The following MGAM variants were observed in gnomAD, a reference collection of about 807,000 sequenced individuals.
MGAM encodes alpha-1,4-glucosidase.
Under a neutral mutation model 358.8 loss-of-function variants are expected in MGAM, and 253 were observed. The ratio of observed to expected loss-of-function variants is 0.71; its 90% CI spans 0.64 to 0.78. The LOEUF is 0.78. Ranked by LOEUF, MGAM falls within the 30% of genes least tolerant of loss-of-function variation. The pLI is 0.00. For synonymous variants in MGAM, 1,105 were observed against 1,227.1 expected (o/e 0.90, Z 2.08); for missense variants, 3,080 against 3,432.6 (o/e 0.90, Z 2.57).
intron 16 of MGAM, among the ~76,000 whole-genome samples, chr7:142,035,580 T>C (rs1007989141): frequency 6.6e-6 from 1 of 151,842 alleles, no homozygotes; most frequent in African/African-American, 2.4e-5. Flanking sequence ...ATCTGACTAA[T>C]CAGGGGGGAA....
intron 21 of MGAM, among the ~76,000 whole-genome samples, chr7:142,044,265 T>G (rs928786242): frequency 2.6e-5 from 3 of 113,336 alleles, no homozygotes; most frequent in African/African-American, 8.0e-5. Flanking sequence ...ACATATAATA[T>G]ATACATTATA....
chr7:142,057,007 T>A (rs1811618962), intron 30 of MGAM, 65 bp downstream of exon 30: 2 of 1,452,740 alleles, frequency 1.4e-6, no homozygotes, highest in African/African-American at 1.4e-5. Context: ...AGAGTCCACA[T>A]TGATTAGTAT....
chr7:142,041,863 A>C (rs548581191), intron 21 of MGAM, among the ~76,000 whole-genome samples: 1 of 112,344 alleles, frequency 8.9e-6, no homozygotes, highest in South Asian at 2.4e-4. Flanking sequence ...TGGTCATTTT[A>C]TATATATATT....
Position 142,088,468 on chromosome 7 carries a change from T to TGTA in MGAM, c.6810+1751_6810+1752insGTA, listed in dbSNP as rs371380239. On this transcript the variant is annotated intron_variant, in intron 57 of 70. Coordinates refer to ENST00000475668, the MANE Select transcript of MGAM (RefSeq NM_001365693.1). ...ATGTATGTATGTATGTATGTACGTATCTATCTATCTACCTATCTCAGTCTA... is the reference window on the plus strand; with the variant it reads ...ATGTATGTATGTATGTATGTACGTATGTACTATCTATCTACCTATCTCAGTCTA... 4.5e-3 allele frequency among the ~76,000 whole-genome samples: 650 copies of TGTA among 144,988 alleles called. 17 individuals carry two copies. Among genetic ancestry groups the TGTA allele is most frequent in the African/African-American group, 0.014 (566 of 40,888 alleles).
chr7:142,050,124 G>A (rs1810796279), intron 22 of MGAM, 111 bp from the exon 23 acceptor site: 4 of 978,768 alleles, frequency 4.1e-6, no homozygotes, highest in Admixed American at 2.0e-5. Flanking sequence ...ATAAGGAAAA[G>A]GAAAACTGCT....
At chr7:142,027,575 T>A (rs1554461411) in intron 9 of MGAM, 35 bp from the exon 10 acceptor site, 1 of 1,610,140 alleles carries the variant, frequency 6.2e-7, no homozygotes, top group Non-Finnish European at 8.5e-7. Flanking sequence ...AAAAACAGAG[T>A]ATTTGCTAAT....
chr7:142,076,329 G>T lies in MGAM; in HGVS notation c.5325+77G>T. ...AGCACATCTGTGCTTGTGTATATGT[G>T]TGATTATATTTGTAACTTTATATGC... is the stretch of plus-strand genomic sequence containing the variant. On this transcript the variant is annotated intron_variant, in intron 46 of 70. Transcript: ENST00000475668. 5 of 1,280,768 alleles carry T rather than the reference G, an allele frequency of 3.9e-6. No individual in the cohort carries two copies. The Middle Eastern group carries it at 5.6e-4, about 144-fold the overall frequency. 79.3% of individuals were successfully genotyped at this position (1,280,768 alleles called of 1,614,324 possible).
chr7:142,032,666 G>T (rs575007777), intron 13 of MGAM, among the ~76,000 whole-genome samples, 159 bp from the exon 14 acceptor site: 3 of 151,990 alleles, frequency 2.0e-5, no homozygotes, highest in Non-Finnish European at 4.4e-5. Context: ...AGCCTTCAGT[G>T]GGTAGACAAG....
rs4077884 is a variant in MGAM, at chr7:142,092,640, G to A, written c.7033+32G>A. On this transcript the variant is annotated intron_variant, in intron 59 of 70. Transcript: ENST00000475668. ...ATCCTTGGCCTTCTTGATTGGCAGA[G>A]CCATGATTGAAAGAAGGATTACACT... The A allele has an allele frequency of 2.6e-3, 3,883 of 1,489,460 alleles. 460 individuals are homozygous for A. The highest frequency in any genetic ancestry group is 0.016 in the Middle Eastern group (94 of 5,790). The allele number at this position is 1,489,460 out of a possible 1,614,324, so 92.3% of individuals were successfully genotyped here. A position where few individuals can be genotyped will look rare whatever the true frequency, so the allele number is the denominator to read the frequency against.
intron 3 of MGAM, among the ~76,000 whole-genome samples, chr7:142,011,412 A>T (rs1057007826): frequency 9.9e-5 from 15 of 151,884 alleles, no homozygotes; most frequent in African/African-American, 3.1e-4. Flanking sequence ...ACACAACATC[A>T]GTTAATAGCC....
At chr7:142,003,052 A>G (rs1389019010) in intron 1 of MGAM, among the ~76,000 whole-genome samples, 1 of 152,060 alleles carries the variant, frequency 6.6e-6, no homozygotes, top group Non-Finnish European at 1.5e-5. Context: ...ACTATAAAAC[A>G]CTGATGAAAG....
In MGAM at chr7:142,056,029, C is replaced by T. The variant is rs1322822311; in HGVS notation, c.3513C>T (p.Pro1171=). The T allele has an allele frequency of 1.9e-6, 3 of 1,611,922 alleles. No individual in the cohort carries two copies. The highest frequency in any genetic ancestry group is 3.3e-4 in the Middle Eastern group (2 of 6,082). Residue 1171 remains proline (P), a synonymous_variant, in exon 29 of 71, where the codon CCC becomes CCT. Coordinates refer to ENST00000475668, the MANE Select transcript of MGAM (RefSeq NM_001365693.1). Reference sequence around the variant, plus strand: ...AGAAGAATTCCTATGGTGTCCACCCCTACTACATGGGGCTGGAGGAGGACG... The same window carrying T: ...AGAAGAATTCCTATGGTGTCCACCCTTACTACATGGGGCTGGAGGAGGACG... ...GYKKNSYGVH[P]YYMGLEEDGS... is the part of the protein sequence containing the mutation.
At chr7:142,087,513 A>G (rs1043659173) in intron 57 of MGAM, among the ~76,000 whole-genome samples, 1 of 146,210 alleles carries the variant, frequency 6.8e-6, no homozygotes, top group African/African-American at 2.4e-5. Context: ...CACAGGCAGG[A>G]TTCTTAGTGC....
At chr7:142,095,782 T>G in intron 64 of MGAM, 69 bp downstream of exon 64, 1 of 1,582,298 alleles carries the variant, frequency 6.3e-7, no homozygotes, top group Non-Finnish European at 8.6e-7. Context: ...GACAGTTGAA[T>G]TCTTCCAAAT....
At position 142,084,630 on chromosome 7, in the gene MGAM, G is replaced by A. The variant is rs772366664; in HGVS notation, c.6493G>A (p.Ala2165Thr). ...CAGCTTGTATGATGAGATGGTGGCT[G>A]CCCAGATCCCTTATGTACGTTCTCA... Reference protein sequence around the residue: ...ISSLYDEMVAAQIPYDVQYSD... With the variant: ...ISSLYDEMVATQIPYDVQYSD... Residue 2165 changes from alanine (A) to threonine (T), a missense_variant, in exon 54 of 71, where the codon GCC becomes ACC. Physicochemically the swap from Ala to Thr is moderately conservative, Grantham distance 58. Coordinates refer to ENST00000475668, the MANE Select transcript of MGAM (RefSeq NM_001365693.1). The A allele has an allele frequency of 4.9e-5, 77 of 1,555,948 alleles. 12 individuals carry two copies. The South Asian group carries it at 8.6e-4, about 17-fold the overall frequency.
At chr7:142,000,517 C>T (rs1804647716) in intron 1 of MGAM, among the ~76,000 whole-genome samples, 1 of 152,122 alleles carries the variant, frequency 6.6e-6, no homozygotes, top group African/African-American at 2.4e-5. Context: ...AGCTCATCCT[C>T]AGAGGGTGAG....
chr7:142,086,296 T>C lies in MGAM; in HGVS notation c.6715T>C (p.Tyr2239His), dbSNP rs112023682. ...CGTGGAGGATGACGTCTTCATCAAG[T>C]ACCCAAATGATGGAGACATTGTCTG... The part of the protein sequence containing the change: ...RGVEDDVFIK[Y>H]PNDGDIVWGK... The change falls in exon 56 of 71, where the codon TAC becomes CAC. Residue 2239 changes from tyrosine (Y) to histidine (H), a missense_variant. Physicochemically the swap from Tyr to His is moderately conservative, Grantham distance 83. Transcript: ENST00000475668. 15,399 of 1,540,426 alleles carry C rather than the reference T, an allele frequency of 1.0e-2. 2,061 individuals carry two copies. Among genetic ancestry groups the C allele is most frequent in the South Asian group, 0.094 (8,178 of 86,756 alleles).
chr7:142,046,012 TG>T (rs1283657568), intron 21 of MGAM, among the ~76,000 whole-genome samples: 1 of 131,712 alleles, frequency 7.6e-6, no homozygotes, highest in South Asian at 2.2e-4. Context: ...ATATATATTA[TG>T]TATACATACA....
Position 142,093,493 on chromosome 7 carries a change from TG to T in MGAM, c.7116del (p.Gln2373SerfsTer24). 6.6e-7 allele frequency: 1 copy of T among 1,516,286 alleles called. No individual in the cohort carries two copies. The highest frequency in any genetic ancestry group is 9.0e-7 in the Non-Finnish European group (1 of 1,112,090). The allele number at this position is 1,516,286 out of a possible 1,614,324, so 93.9% of individuals were successfully genotyped here. A position where few individuals can be genotyped will look rare whatever the true frequency, so the allele number is the denominator to read the frequency against. The part of the protein sequence containing the change: ...SQQILPDGSP[V>X]QHYNVHNLYG... ...CAGATCCTCCCAGACGGCTCCCCGG[TG>T]CAGCACTACAATGTGCACAACCTGT... On this transcript the variant is annotated frameshift_variant, in exon 60 of 71. Coordinates refer to ENST00000475668, the MANE Select transcript of MGAM (RefSeq NM_001365693.1). LOFTEE classifies it high-confidence loss of function.
Sources: gnomAD v4.1 joint callset for allele counts (sites outside exome capture counted in the v4.1 genomes callset) on GRCh38, gnomAD v4.1.1 for gene constraint, MANE v1.5 for transcripts, NCBI Gene and HGNC (gene_info 2026-07-23, HGNC 2026-07-21) for gene names.